The following RHCE variants were observed in gnomAD, a reference collection of about 807,000 sequenced individuals.
RHCE encodes the protein Rh blood group CcEe antigens, also known as blood group Rh(CE) polypeptide.
A neutral mutation model predicts 43.8 loss-of-function variants in RHCE; 22 were observed. The observed-to-expected ratio is 0.50, with a 90% CI of 0.36 to 0.72. The LOEUF (loss-of-function observed/expected upper bound fraction) is 0.72, where lower values mean the gene tolerates loss of function less well. Ranked by LOEUF, RHCE falls within the 30% of genes least tolerant of loss-of-function variation. The pLI, the probability that RHCE is intolerant of heterozygous loss-of-function variation, is 0.00. For missense variants in RHCE, 385 were observed against 525.4 expected (o/e 0.73, Z 2.61); for synonymous variants, 156 against 210.7 (o/e 0.74, Z 2.25).
At chr1:25,385,917 C>A in intron 6 of RHCE, 73 bp from the exon 7 acceptor site, 1 of 1,611,632 alleles carries the variant, frequency 6.2e-7, no homozygotes, top group Non-Finnish European at 8.5e-7. Flanking sequence ...TTCACACACC[C>A]TTGGTATCCG....
At chr1:25,391,288 G>GGC (rs1646353887) in intron 4 of RHCE, among the ~76,000 whole-genome samples, 1 of 152,108 alleles carries the variant, frequency 6.6e-6, no homozygotes, top group African/African-American at 2.4e-5. Flanking sequence ...GGATTCAAAA[G>GGC]ATTCTCCTGC....
intron 7 of RHCE, among the ~76,000 whole-genome samples, chr1:25,377,885 A>C (rs1645837186): frequency 1.3e-5 from 2 of 152,336 alleles, no homozygotes; most frequent in Admixed American, 1.3e-4. Context: ...AGCCTGGGTG[A>C]CAGAAGGAGA....
intron 1 of RHCE, among the ~76,000 whole-genome samples, chr1:25,416,822 G>GGC (rs1553161342): frequency 6.7e-6 from 1 of 148,774 alleles, no homozygotes; most frequent in African/African-American, 2.5e-5. Context: ...GAGATGGCGG[G>GGC]GGGGGGTCTC....
At chr1:25,375,973 T>C (rs948614852) in intron 7 of RHCE, among the ~76,000 whole-genome samples, 4 of 151,836 alleles carry the variant, frequency 2.6e-5, no homozygotes, top group African/African-American at 4.8e-5. Context: ...GTATTATTAA[T>C]AGAGACGGGG....
chr1:25,420,298 TA>T (rs906723264), intron 1 of RHCE, among the ~76,000 whole-genome samples: 1 of 151,706 alleles, frequency 6.6e-6, no homozygotes, highest in Non-Finnish European at 1.5e-5. Context: ...TCTATAAAAA[TA>T]AAAAAAATCC....
intron 1 of RHCE, among the ~76,000 whole-genome samples, chr1:25,409,627 G>A (rs144342599): frequency 0.014 from 1,706 of 123,616 alleles, 213 homozygotes; most frequent in African/African-American, 0.04. Context: ...GCTCCAGAAC[G>A]AGACAAATTT....
At chr1:25,370,748 A>G (rs1645582001) in intron 8 of RHCE, among the ~76,000 whole-genome samples, 1 of 149,032 alleles carries the variant, frequency 6.7e-6, no homozygotes, top group Non-Finnish European at 1.5e-5. Context: ...ATTTTATTTT[A>G]TTTTATTTTA....
rs1023556997 is a variant in RHCE at position 25,406,228 on chromosome 1, T to C, written c.335+2455A>G. On this transcript the variant is annotated intron_variant, in intron 2 of 9. Transcript: ENST00000294413. Reference sequence around the variant, plus strand: ...TTTCCAGGTGGATGCAGTGTGTGTATGCGGGCGTGCGTGCGTGCGTGCGTG... The same window carrying C: ...TTTCCAGGTGGATGCAGTGTGTGTACGCGGGCGTGCGTGCGTGCGTGCGTG... Among the ~76,000 whole-genome samples the C allele has an allele frequency of 3.1e-4, 19 of 60,672 alleles. 4 individuals are homozygous for C. Among genetic ancestry groups the C allele is most frequent in the Non-Finnish European group, 6.2e-4 (15 of 24,066 alleles). 39.8% of individuals were successfully genotyped at this position (60,672 alleles called of 152,430 possible). A position where few individuals can be genotyped will look rare whatever the true frequency, so the allele number is the denominator to read the frequency against.
intron 7 of RHCE, among the ~76,000 whole-genome samples, chr1:25,379,489 ATATATATTTTTTTTT>A (rs1308097576): frequency 7.1e-3 from 139 of 19,518 alleles, no homozygotes; most frequent in Middle Eastern, 0.056. Context: ...ATATATATAT[ATATATATTTTTTTTT>A]TTTTTTTTTT....
chr1:25,420,748 C>G lies in RHCE; in HGVS notation c.39G>C (p.Leu13=). ...CTTCCAGTGTTAGGGCGCAGAGGGG[C>G]AGGCAGCGCCGGACAGACCGCGGGT... ...SKYPRSVRRC[L]PLCALTLEAA... Residue 13 remains leucine, a synonymous_variant, in exon 1 of 10, where the codon CTG becomes CTC. Coordinates refer to ENST00000294413, the MANE Select transcript of RHCE (RefSeq NM_020485.8). 6.2e-7 allele frequency: 1 copy of G among 1,609,086 alleles called. No individual in the cohort carries two copies. The highest frequency in any genetic ancestry group is 1.1e-5 in the South Asian group (1 of 90,888).
At chr1:25,370,418 T>G in intron 9 of RHCE, 49 bp downstream of exon 9, 4 of 1,498,002 alleles carry the variant, frequency 2.7e-6, no homozygotes, top group Non-Finnish European at 2.8e-6. Context: ...GGTATGTTTT[T>G]AAGTTCATGC....
rs1646949897 is a variant in RHCE at position 25,407,302 on chromosome 1, T to C, written c.335+1381A>G. ...CAGGAGCTGGCTAGACTGTGTTTCA[T>C]GTTCTGACCACTCTGGAGCATGTGG... On this transcript the variant is annotated intron_variant, in intron 2 of 9. Transcript: ENST00000294413. 1.6e-5 allele frequency among the ~76,000 whole-genome samples: 2 copies of C among 123,000 alleles called. 1 individual carries two copies. The highest frequency in any genetic ancestry group is 1.8e-4 in the Admixed American group (2 of 11,322). The allele number at this position is 123,000 out of a possible 152,430, so 80.7% of individuals were successfully genotyped here.
chr1:25,404,614 TGAG>T (rs1477764832), intron 2 of RHCE, among the ~76,000 whole-genome samples: 1 of 149,522 alleles, frequency 6.7e-6, no homozygotes, highest in Non-Finnish European at 1.5e-5. Context: ...CAGTTTGTGC[TGAG>T]GAGGTGCTAA....
chr1:25,406,248 T>G (rs1646914016), intron 2 of RHCE, among the ~76,000 whole-genome samples: 1 of 87,468 alleles, frequency 1.1e-5, no homozygotes, highest in African/African-American at 6.2e-5. Context: ...CGTGCGTGCG[T>G]GCGTGTGTGT....
intron 7 of RHCE, among the ~76,000 whole-genome samples, chr1:25,384,499 G>A (rs928180397): frequency 1.3e-5 from 2 of 152,098 alleles, no homozygotes; most frequent in Non-Finnish European, 2.9e-5. Flanking sequence ...CCCAGAGACA[G>A]GAAAGGTTCT....
At chr1:25,416,713 C>T (rs1647492183) in intron 1 of RHCE, among the ~76,000 whole-genome samples, 1 of 151,248 alleles carries the variant, frequency 6.6e-6, no homozygotes, top group South Asian at 2.1e-4. Flanking sequence ...AGCTCCCAGG[C>T]TCAAGCAAGC....
At chr1:25,410,390 T>G (rs553524136) in intron 1 of RHCE, among the ~76,000 whole-genome samples, 1 of 152,174 alleles carries the variant, frequency 6.6e-6, no homozygotes, top group South Asian at 2.1e-4. Context: ...GATGTTTTAC[T>G]TTTTTAGTTT....
At chr1:25,402,836 T>C in intron 2 of RHCE, 90 bp from the exon 3 acceptor site, 2 of 1,559,442 alleles carry the variant, frequency 1.3e-6, no homozygotes, top group Non-Finnish European at 1.8e-6. Flanking sequence ...ACAAACACTG[T>C]TGGGCACCTT....
intron 8 of RHCE, among the ~76,000 whole-genome samples, chr1:25,371,200 G>A (rs541481536): frequency 6.6e-6 from 1 of 151,134 alleles, no homozygotes; most frequent in Non-Finnish European, 1.5e-5. Flanking sequence ...AAGACATATG[G>A]GCTACTATGG....
Sources: gnomAD v4.1 joint callset for allele counts (sites outside exome capture counted in the v4.1 genomes callset) on GRCh38, gnomAD v4.1.1 for gene constraint, MANE v1.5 for transcripts, NCBI Gene and HGNC (gene_info 2026-07-23, HGNC 2026-07-21) for gene names.